The following TMEM17 variants were observed in gnomAD, a reference collection of about 807,000 sequenced individuals.
TMEM17 encodes transmembrane protein 17.
In TMEM17, 15 loss-of-function variants were observed where a neutral mutation model predicts 19.1. The ratio of observed to expected loss-of-function variants is 0.78; its 90% CI spans 0.52 to 1.21. The LOEUF (loss-of-function observed/expected upper bound fraction) is 1.21, where lower values mean the gene tolerates loss of function less well. Among genes scored for constraint, TMEM17 ranks in the 50% most tolerant of loss-of-function variants. TMEM17 has a pLI of 0.00. For synonymous variants in TMEM17, 103 were observed against 86.9 expected, an observed-to-expected ratio of 1.19 and a Z score of -1.03; for missense variants, 245 against 242.3, an observed-to-expected ratio of 1.01 and a Z score of -0.07.
downstream of TMEM17, among the ~76,000 whole-genome samples, chr2:62,496,212 C>T (rs1209023886): frequency 2.6e-5 from 4 of 151,950 alleles, no homozygotes; most frequent in East Asian, 1.9e-4. Context: ...TAGAATTGTG[C>T]GTGGTGAATA....
chr2:62,501,204 C>G lies in TMEM17; in HGVS notation c.*5G>C. On this transcript the variant is annotated 3_prime_UTR_variant, in exon 4 of 4. Coordinates refer to ENST00000335390, the MANE Select transcript of TMEM17 (RefSeq NM_198276.3). Reference sequence around the variant, plus strand: ...TCTGTCAGATTTTCACTCAACAACACTGGATCAGATCTCTTCTATACATGA... The same window carrying G: ...TCTGTCAGATTTTCACTCAACAACAGTGGATCAGATCTCTTCTATACATGA... The G allele has an allele frequency of 6.2e-7, 1 of 1,610,888 alleles. No individual in the cohort carries two copies. The highest frequency in any genetic ancestry group is 2.2e-5 in the East Asian group (1 of 44,800).
the TMEM17 span, among the ~76,000 whole-genome samples, chr2:62,466,872 G>A: frequency 1.7e-4 from 26 of 152,188 alleles, no homozygotes; most frequent in Admixed American, 1.5e-3. Context: ...GCCATGGAGA[G>A]TGTTTCGTCC....
At chr2:62,498,622 A>C (rs1176268750), downstream of TMEM17, among the ~76,000 whole-genome samples, 1 of 147,118 alleles carries the variant, frequency 6.8e-6, no homozygotes, top group African/African-American at 2.5e-5. Context: ...AGGCTGAGGC[A>C]GGAGAATGGC....
At chr2:62,479,004 T>C in the TMEM17 span, among the ~76,000 whole-genome samples, 1 of 152,206 alleles carries the variant, frequency 6.6e-6, no homozygotes, top group Non-Finnish European at 1.5e-5. Flanking sequence ...TTGATACATA[T>C]AATGTATAGT....
the TMEM17 span, among the ~76,000 whole-genome samples, chr2:62,455,470 T>C: frequency 6.6e-6 from 1 of 152,194 alleles, no homozygotes; most frequent in Non-Finnish European, 1.5e-5. Flanking sequence ...TTTGGGTAAA[T>C]TACTTCTAAA....
In TMEM17 at chr2:62,501,258, G is replaced by A. The variant is rs765360386; in HGVS notation, c.548C>T (p.Ala183Val). 9 of 1,614,022 alleles carry A rather than the reference G, an allele frequency of 5.6e-6. No individual in the cohort carries two copies. Among genetic ancestry groups the A allele is most frequent in the Admixed American group, 1.7e-5 (1 of 59,996 alleles). The change falls in exon 4 of 4, where the codon GCA (alanine) becomes GTA (valine). Residue 183 changes from alanine (A) to valine (V), a missense_variant. Coordinates refer to ENST00000335390, the MANE Select transcript of TMEM17 (RefSeq NM_198276.3). ...CATCCTTCTCATGTCTCCTCTGTTT[G>A]CAGAGAGCCGGTCAAAGTCTTGGAG... ...FHLQDFDRLS[A>V]NRGDMRRMRS...
the TMEM17 span, among the ~76,000 whole-genome samples, chr2:62,476,913 C>A: frequency 6.6e-6 from 1 of 152,162 alleles, no homozygotes. Context: ...CTTTCCTATC[C>A]TGTGTCCTCC....
At chr2:62,464,401 T>G in the TMEM17 span, among the ~76,000 whole-genome samples, 1 of 152,242 alleles carries the variant, frequency 6.6e-6, no homozygotes, top group Non-Finnish European at 1.5e-5. Context: ...ACTTGTGTGC[T>G]ACCTCCTGTG....
At chr2:62,468,658 G>A in the TMEM17 span, among the ~76,000 whole-genome samples, 1 of 152,200 alleles carries the variant, frequency 6.6e-6, no homozygotes, top group Non-Finnish European at 1.5e-5. Context: ...GAACCAAAGA[G>A]TAAAGTCCCA....
At chr2:62,456,952 C>T in the TMEM17 span, among the ~76,000 whole-genome samples, 1 of 152,270 alleles carries the variant, frequency 6.6e-6, no homozygotes, top group Non-Finnish European at 1.5e-5. Flanking sequence ...CCCGTCCTTG[C>T]CTTCTCCCAG....
chr2:62,495,764 C>T (rs1057343868), downstream of TMEM17, among the ~76,000 whole-genome samples: 9 of 152,236 alleles, frequency 5.9e-5, no homozygotes, highest in Non-Finnish European at 1.3e-4. Flanking sequence ...ATTCCTTCAG[C>T]ACATTTTAAA....
chr2:62,498,855 A>G (rs1269095374), downstream of TMEM17, among the ~76,000 whole-genome samples: 1 of 152,176 alleles, frequency 6.6e-6, no homozygotes, highest in Non-Finnish European at 1.5e-5. Flanking sequence ...TTAGAAGGAT[A>G]TAATATAAAT....
chr2:62,479,139 T>A, the TMEM17 span, among the ~76,000 whole-genome samples: 1 of 152,270 alleles, frequency 6.6e-6, no homozygotes, highest in African/African-American at 2.4e-5. Context: ...CATTCGGCAC[T>A]GGCAGAGAAC....
chr2:62,479,848 C>G, the TMEM17 span, among the ~76,000 whole-genome samples: 724 of 138,496 alleles, frequency 5.2e-3, 7 homozygotes, highest in African/African-American at 0.019. Flanking sequence ...GGTCATGCCA[C>G]TGCACTCCAC....
At chr2:62,494,964 A>G in the TMEM17 span, among the ~76,000 whole-genome samples, 4 of 152,166 alleles carry the variant, frequency 2.6e-5, no homozygotes, top group Non-Finnish European at 4.4e-5. Flanking sequence ...GCAGTGAGCC[A>G]AGATCGTGCC....
At chr2:62,456,054 G>C in the TMEM17 span, among the ~76,000 whole-genome samples, 1 of 152,204 alleles carries the variant, frequency 6.6e-6, no homozygotes, top group African/African-American at 2.4e-5. Context: ...GAGACAGAGA[G>C]ATGGTCAATT....
Position 62,501,431 on chromosome 2 carries a change from A to G in TMEM17, c.375T>C (p.Ile125=). ...GGCCTTCATTAAAGAGCAAGAAAAG[A>G]ATTAAAGGTAACTGCAATAGAAGGC... The part of the protein sequence containing the change: ...LLSLLLQLPL[I]LFLLFNEGLT... The change falls in exon 4 of 4, where the codon ATT becomes ATC. Residue 125 remains isoleucine (I), a synonymous_variant. Transcript: ENST00000335390. 6.2e-7 allele frequency: 1 copy of G among 1,614,224 alleles called. No homozygotes were observed. The highest frequency in any genetic ancestry group is 1.7e-5 in the Admixed American group (1 of 60,030).
intron 1 of TMEM17, among the ~76,000 whole-genome samples, chr2:62,504,612 CG>C (rs1394243489): frequency 6.6e-6 from 1 of 152,006 alleles, no homozygotes; most frequent in African/African-American, 2.4e-5. Flanking sequence ...ACCTTAAAAG[CG>C]TAAGACATAA....
the TMEM17 span, among the ~76,000 whole-genome samples, chr2:62,494,814 T>C: frequency 3.3e-5 from 5 of 152,006 alleles, no homozygotes; most frequent in African/African-American, 1.2e-4. Context: ...CCATCCTGGC[T>C]AACACAGTGA....
Sources: gnomAD v4.1 joint callset for allele counts (sites outside exome capture counted in the v4.1 genomes callset) on GRCh38, gnomAD v4.1.1 for gene constraint, MANE v1.5 for transcripts, NCBI Gene and HGNC (gene_info 2026-07-23, HGNC 2026-07-21) for gene names.